Variants in OR10D3 observed in about 807,000 individuals in gnomAD.
OR10D3 encodes olfactory receptor family 10 subfamily D member 3.
For synonymous variants in OR10D3, 100 were observed against 57.6 expected (o/e 1.74, Z -3.33); for missense variants, 286 against 153.7 (o/e 1.86, Z -4.55).
chr11:124,183,451 TTTCTC>T (rs1861185609), intron 1 of OR10D3, 68 bp downstream of exon 1: 1 of 150,926 alleles, frequency 6.6e-6, no homozygotes, highest in Non-Finnish European at 1.5e-5. Flanking sequence ...TCTCTCTCTC[TTTCTC>T]TCTCTTTCTC....
chr11:124,184,639 C>A (rs1414170346), intron 1 of OR10D3, among the ~76,000 whole-genome samples: 1 of 152,158 alleles, frequency 6.6e-6, no homozygotes, highest in Non-Finnish European at 1.5e-5. Flanking sequence ...CTACCAAGAA[C>A]TAGCTGCCTT....
chr11:124,186,406 A>G (rs1269136137), exon 2 of OR10D3: 3 of 447,786 alleles, frequency 6.7e-6, no homozygotes, highest in Non-Finnish European at 1.2e-5. Context: ...CTCTTCACCT[A>G]TCTTCAAAGT....
chr11:124,185,498 A>G (rs1325366962), exon 2 of OR10D3: 2 of 703,176 alleles, frequency 2.8e-6, no homozygotes, highest in Admixed American at 4.0e-5. Flanking sequence ...CTCCTCAGTG[A>G]CTTGTCCCAA....
exon 2 of OR10D3, chr11:124,185,988 C>T: frequency 1.4e-6 from 1 of 703,434 alleles, no homozygotes; most frequent in Non-Finnish European, 2.6e-6. Context: ...GCCTTCTCCA[C>T]CTGCAGTGCT....
intron 1 of OR10D3, chr11:124,184,211 A>G (rs1189063129): frequency 6.6e-6 from 1 of 152,226 alleles, no homozygotes; most frequent in Non-Finnish European, 1.5e-5. Context: ...GAAGACTGTG[A>G]GGAGAAATTA....
exon 2 of OR10D3, chr11:124,188,363 G>A (rs1861248079): frequency 6.6e-6 from 1 of 152,264 alleles, no homozygotes; most frequent in Non-Finnish European, 1.5e-5. Context: ...GGAAGGAGGA[G>A]AGATGACTGA....
At chr11:124,183,682 A>G (rs1426525125) in intron 1 of OR10D3, among the ~76,000 whole-genome samples, 1 of 150,600 alleles carries the variant, frequency 6.6e-6, no homozygotes, top group African/African-American at 2.4e-5. Context: ...CTTAGTCTCC[A>G]GAGTAGCTGA....
exon 2 of OR10D3, chr11:124,186,339 T>C (rs1049772284): frequency 6.7e-6 from 4 of 598,204 alleles, no homozygotes; most frequent in Non-Finnish European, 1.2e-5. Context: ...TGGACCATTA[T>C]GCTATATATA....
exon 2 of OR10D3, chr11:124,186,236 C>A (rs936045321): frequency 3.1e-6 from 2 of 648,222 alleles, no homozygotes; most frequent in African/African-American, 3.6e-5. Flanking sequence ...GTGCATGGCT[C>A]TGGAATTCCT....
chr11:124,186,347 A>G, exon 2 of OR10D3: 1 of 547,662 alleles, frequency 1.8e-6, no homozygotes, highest in Non-Finnish European at 3.2e-6. Context: ...TATGCTATAT[A>G]TAATACATTA....
intron 1 of OR10D3, 155 bp from the exon 2 acceptor site, chr11:124,185,104 A>G (rs1861204357): frequency 5.1e-6 from 3 of 586,244 alleles, no homozygotes; most frequent in East Asian, 5.5e-5. Flanking sequence ...TTCCAAGGAT[A>G]ATGCCTTGTA....
chr11:124,183,559 C>T (rs1410837714), intron 1 of OR10D3, among the ~76,000 whole-genome samples, 176 bp downstream of exon 1: 1 of 130,536 alleles, frequency 7.7e-6, no homozygotes, highest in Non-Finnish European at 1.6e-5. Flanking sequence ...TCCTTCCCTC[C>T]TTCCCTCCCT....
chr11:124,188,152 C>G (rs1407966795), exon 2 of OR10D3: 1 of 152,136 alleles, frequency 6.6e-6, no homozygotes, highest in Non-Finnish European at 1.5e-5. Flanking sequence ...GCAGAGGCCT[C>G]AAGTGGGCAA....
intron 1 of OR10D3, among the ~76,000 whole-genome samples, chr11:124,184,801 T>TA (rs1250522987): frequency 1.1e-4 from 16 of 152,184 alleles, no homozygotes; most frequent in East Asian, 1.9e-4. Context: ...ATGATTCCCT[T>TA]AAAAAACGTA....
At chr11:124,183,560 TTCCCTCCC>T (rs775089040) in intron 1 of OR10D3, among the ~76,000 whole-genome samples, 177 bp downstream of exon 1, 38 of 102,476 alleles carry the variant, frequency 3.7e-4, no homozygotes, top group East Asian at 2.2e-3. Context: ...CCTTCCCTCC[TTCCCTCCC>T]TCCCTCCCTC....
At chr11:124,188,136 T>C (rs1861245947) in exon 2 of OR10D3, 1 of 152,104 alleles carries the variant, frequency 6.6e-6, no homozygotes, top group Admixed American at 6.6e-5. Context: ...CTCCAGAACG[T>C]AGATGGCAGA....
At chr11:124,185,976 G>T (rs1262245451) in exon 2 of OR10D3, 2 of 703,212 alleles carry the variant, frequency 2.8e-6, no homozygotes, top group Non-Finnish European at 5.2e-6. Flanking sequence ...GGCCGTCGCC[G>T]TGCCTTCTCC....
chr11:124,183,432 C>CTT (rs1861184718), intron 1 of OR10D3, 49 bp downstream of exon 1: 1 of 123,290 alleles, frequency 8.1e-6, no homozygotes, highest in Non-Finnish European at 1.6e-5. Flanking sequence ...CTTTCTTTCT[C>CTT]TCTCTCTTTC....
Position 124,185,251 on chromosome 11 carries a change from C to A in OR10D3, c.-11-8C>A, listed in dbSNP as rs767169031. ...TTCCATGTCCTCAGCCTCCTCTTTC[C>A]TTCCTAGGACTGGCTTCCATGGAGG... On this transcript the variant is annotated splice_region_variant and splice_polypyrimidine_tract_variant and intron_variant, in intron 1 of 1. Transcript: ENST00000641351. The A allele has an allele frequency of 1.4e-6, 1 of 693,432 alleles. No homozygotes were observed. The highest frequency in any genetic ancestry group is 1.5e-5 in the South Asian group (1 of 65,850). 43.0% of individuals were successfully genotyped at this position (693,432 alleles called of 1,614,324 possible). A position where few individuals can be genotyped will look rare whatever the true frequency, so the allele number is the denominator to read the frequency against.
Sources: gnomAD v4.1 joint callset for allele counts (sites outside exome capture counted in the v4.1 genomes callset) on GRCh38, gnomAD v4.1.1 for gene constraint, MANE v1.5 for transcripts, NCBI Gene and HGNC (gene_info 2026-07-23, HGNC 2026-07-21) for gene names.